The following TTC28 variants were observed in gnomAD, a reference collection of about 807,000 sequenced individuals.
TTC28 encodes tetratricopeptide repeat domain 28.
TTC28 carries 61 observed loss-of-function variants against 198.0 expected under a neutral mutation model. The observed-to-expected ratio is 0.31, with a 90% CI of 0.25 to 0.38. The LOEUF (loss-of-function observed/expected upper bound fraction) is 0.38, where lower values mean the gene tolerates loss of function less well. Among genes scored for constraint, TTC28 ranks in the 10% least tolerant of loss-of-function variants. The pLI is 1.00. For missense variants in TTC28, 2,678 were observed against 3,164.0 expected, an observed-to-expected ratio of 0.85 and a Z score of 3.69; for synonymous variants, 1,171 against 1,297.8, an observed-to-expected ratio of 0.90 and a Z score of 2.10.
At chr22:28,013,630 G>A (rs535349064) in intron 14 of TTC28, among the ~76,000 whole-genome samples, 38 of 152,314 alleles carry the variant, frequency 2.5e-4, no homozygotes, top group African/African-American at 6.7e-4. Flanking sequence ...GCCCTGGCTC[G>A]AAGTTGCTCA....
chr22:28,081,137 T>C (rs1397595847), intron 12 of TTC28, among the ~76,000 whole-genome samples: 6 of 139,542 alleles, frequency 4.3e-5, no homozygotes, highest in African/African-American at 1.6e-4. Flanking sequence ...ATTATATACA[T>C]AATATGGACA....
At chr22:28,311,450 C>T (rs989286711) in intron 2 of TTC28, among the ~76,000 whole-genome samples, 29 of 152,012 alleles carry the variant, frequency 1.9e-4, no homozygotes, top group African/African-American at 5.6e-4. Context: ...TGATGGAAAA[C>T]GATAAAATTA....
At chr22:28,536,695 C>T (rs2049287991) in intron 2 of TTC28, among the ~76,000 whole-genome samples, 2 of 152,112 alleles carry the variant, frequency 1.3e-5, no homozygotes, top group African/African-American at 2.4e-5. Context: ...CTTTCTTGGA[C>T]GGAAAGACTG....
intron 2 of TTC28, among the ~76,000 whole-genome samples, chr22:28,323,650 A>C (rs1165228636): frequency 6.6e-6 from 1 of 152,200 alleles, no homozygotes; most frequent in Non-Finnish European, 1.5e-5. Context: ...AAAATCTAAG[A>C]GTTATTAGCC....
At chr22:28,491,860 CA>C (rs1417551124) in intron 2 of TTC28, among the ~76,000 whole-genome samples, 2 of 152,084 alleles carry the variant, frequency 1.3e-5, no homozygotes, top group Non-Finnish European at 2.9e-5. Context: ...GGAACCAACC[CA>C]AATGTCCATC....
chr22:28,117,759 C>A (rs901641927), intron 6 of TTC28, among the ~76,000 whole-genome samples: 2 of 152,164 alleles, frequency 1.3e-5, no homozygotes, highest in African/African-American at 4.8e-5. Flanking sequence ...TGAGAAATTT[C>A]TTTTAGAATT....
intron 2 of TTC28, among the ~76,000 whole-genome samples, chr22:28,518,323 G>A (rs1349781775): frequency 6.6e-6 from 1 of 152,140 alleles, no homozygotes; most frequent in African/African-American, 2.4e-5. Flanking sequence ...TTTTGAAAAT[G>A]AGTATACAAA....
intron 2 of TTC28, among the ~76,000 whole-genome samples, chr22:28,573,664 T>G (rs1282487235): frequency 6.6e-6 from 1 of 152,156 alleles, no homozygotes; most frequent in African/African-American, 2.4e-5. Context: ...GGTATCTACA[T>G]CACCTCAAGC....
intron 2 of TTC28, among the ~76,000 whole-genome samples, chr22:28,403,525 G>T (rs576122456): frequency 6.6e-6 from 1 of 152,208 alleles, no homozygotes; most frequent in South Asian, 2.1e-4. Context: ...TTCTGTTTTA[G>T]GTCCTCTATA....
At chr22:28,230,439 G>A (rs1284620300) in intron 5 of TTC28, among the ~76,000 whole-genome samples, 1 of 152,184 alleles carries the variant, frequency 6.6e-6, no homozygotes, top group Non-Finnish European at 1.5e-5. Context: ...ATTCATAGGT[G>A]ACTACAACAT....
chr22:28,453,314 A>T (rs1255530957), intron 2 of TTC28, among the ~76,000 whole-genome samples: 1 of 152,166 alleles, frequency 6.6e-6, no homozygotes, highest in Non-Finnish European at 1.5e-5. Flanking sequence ...GAACATATCC[A>T]CAGGTCTTCT....
intron 1 of TTC28, among the ~76,000 whole-genome samples, chr22:28,633,667 G>A (rs545864302): frequency 7.2e-5 from 11 of 152,200 alleles, no homozygotes; most frequent in Non-Finnish European, 1.3e-4. Context: ...TTGGTTCAAT[G>A]CCAACACAGA....
chr22:28,357,490 T>C (rs2046096606), intron 2 of TTC28, among the ~76,000 whole-genome samples: 1 of 151,844 alleles, frequency 6.6e-6, no homozygotes, highest in African/African-American at 2.4e-5. Context: ...TTTTAACTTT[T>C]TGTAGAGACA....
chr22:28,030,410 G>A (rs201606631), intron 12 of TTC28, 44 bp from the exon 13 acceptor site: 21 of 1,548,380 alleles, frequency 1.4e-5, no homozygotes, highest in East Asian at 7.3e-5. Flanking sequence ...GAAAGGAAGC[G>A]CTGAGCTATG....
At chr22:28,533,892 C>CT (rs2049202694) in intron 2 of TTC28, among the ~76,000 whole-genome samples, 1 of 152,194 alleles carries the variant, frequency 6.6e-6, no homozygotes, top group South Asian at 2.1e-4. Context: ...CTCCTTACCC[C>CT]TTGTACAAAA....
At chr22:28,392,416 CAA>C (rs2046742768) in intron 2 of TTC28, among the ~76,000 whole-genome samples, 1 of 152,208 alleles carries the variant, frequency 6.6e-6, no homozygotes, top group Non-Finnish European at 1.5e-5. Flanking sequence ...CAAGCCTGGG[CAA>C]TGGCGGGCAC....
intron 5 of TTC28, among the ~76,000 whole-genome samples, chr22:28,217,455 G>A (rs188199457): frequency 6.6e-6 from 1 of 152,134 alleles, no homozygotes; most frequent in Non-Finnish European, 1.5e-5. Flanking sequence ...GGCGATAGAG[G>A]AAAGTGATAA....
chr22:28,160,412 C>T (rs1921035083), intron 6 of TTC28, among the ~76,000 whole-genome samples: 1 of 151,962 alleles, frequency 6.6e-6, no homozygotes, highest in Non-Finnish European at 1.5e-5. Context: ...AAAGAAATAA[C>T]AGAAAAGAAT....
intron 6 of TTC28, among the ~76,000 whole-genome samples, chr22:28,161,812 A>G (rs1201734587): frequency 2.3e-5 from 3 of 132,096 alleles, no homozygotes; most frequent in Admixed American, 1.6e-4. Flanking sequence ...GAGGGAGGGA[A>G]GGAGGGAAGG....
Sources: allele counts gnomAD v4.1 joint callset (sites outside exome capture counted in the v4.1 genomes callset), GRCh38; gene constraint gnomAD v4.1.1; transcripts MANE v1.5; gene names NCBI Gene and HGNC (gene_info 2026-07-23, HGNC 2026-07-21).